CELF2: variants seen among roughly 807,000 people sequenced by gnomAD.
CELF2 encodes the protein CUG triplet repeat RNA-binding protein 2.
In CELF2, 8 loss-of-function variants were observed where a neutral mutation model predicts 62.6. The observed-to-expected ratio is 0.13, with a 90% confidence interval of 0.07 to 0.23. The LOEUF (loss-of-function observed/expected upper bound fraction) is 0.23. Ranked by LOEUF, CELF2 falls within the 10% of genes least tolerant of loss-of-function variation. The probability of loss-of-function intolerance (pLI) is 1.00; values close to 1 mark genes in which losing one functional copy is unlikely to be tolerated. For missense variants in CELF2, 333 were observed against 671.0 expected, an observed-to-expected ratio of 0.50 and a Z score of 5.56; for synonymous variants, 258 against 250.0, an observed-to-expected ratio of 1.03 and a Z score of -0.30.
At chr10:10,818,095 G>T (rs2056638551) in intron 1 of CELF2, among the ~76,000 whole-genome samples, 1 of 152,152 alleles carries the variant, frequency 6.6e-6, no homozygotes, top group Admixed American at 6.5e-5. Flanking sequence ...TGATCACCAA[G>T]GGTATTTCAT....
Position 11,145,249 on chromosome 10 carries a change from G to A in CELF2, c.75-20237G>A, listed in dbSNP as rs1371706329. On this transcript the variant is annotated intron_variant, in intron 1 of 12. Transcript: ENST00000633077. This position sits in a 1 kb window ranked among gnomAD's most constrained non-coding sequence, Gnocchi z 4.3. The stretch of plus-strand genomic sequence containing the variant: ...AAAACACTGCTGCTGCTCAAGGTTT[G>A]TAATTGCTCTATAAGTGAGTCTCAG... Among the ~76,000 whole-genome samples the A allele has an allele frequency of 6.6e-6, 1 of 152,250 alleles. No individual in the cohort carries two copies. The highest frequency in any genetic ancestry group is 1.5e-5 in the Non-Finnish European group (1 of 68,048).
intron 4 of CELF2, 23 bp downstream of exon 4, chr10:11,249,224 G>T (rs2137297145): frequency 6.3e-7 from 1 of 1,587,502 alleles, no homozygotes; most frequent in East Asian, 2.2e-5. Flanking sequence ...CAACTGTCTT[G>T]CTTAATAATA....
the CELF2 span, among the ~76,000 whole-genome samples, chr10:10,496,258 T>A: frequency 0.86 from 131,216 of 152,202 alleles, 57,522 homozygotes; most frequent in Non-Finnish European, 0.94. Flanking sequence ...CATTCGGTAA[T>A]TACTGTTGAA....
Position 11,165,418 on chromosome 10 carries a change from C to G in CELF2, c.75-68C>G. On this transcript the variant is annotated intron_variant, in intron 1 of 12. Coordinates refer to ENST00000633077, the MANE Select transcript of CELF2 (RefSeq NM_001326342.2). The surrounding 1 kb of genome is among the most constrained non-coding windows in gnomAD (Gnocchi z 7.4). ...CTTCCGCCTCCCCGCTCCCCCACCC[C>G]CACTATTTTTTCTTCCTGTCCCTCA... The G allele has an allele frequency of 1.3e-6, 2 of 1,555,370 alleles. No homozygotes were observed. The highest frequency in any genetic ancestry group is 1.7e-6 in the Non-Finnish European group (2 of 1,149,358).
Position 11,267,627 on chromosome 10 carries a change from TTTTTC to T in CELF2, c.618+953_618+957del, listed in dbSNP as rs1416647430. Among the ~76,000 whole-genome samples, 1 of 152,232 alleles carries T rather than the reference TTTTTC, an allele frequency of 6.6e-6. No homozygotes were observed. Among genetic ancestry groups the T allele is most frequent in the African/African-American group, 2.4e-5 (1 of 41,460 alleles). On this transcript the variant is annotated intron_variant, in intron 6 of 12. Coordinates refer to ENST00000633077, the MANE Select transcript of CELF2 (RefSeq NM_001326342.2). This position sits in a 1 kb window ranked among gnomAD's most constrained non-coding sequence, Gnocchi z 4.4. ...AATTTTATTTAATATGCAAAAAACTTTTTTCTTGATTGAGCTTCTGTTTTCCCCCC... is the reference window on the plus strand; with the variant it reads ...AATTTTATTTAATATGCAAAAAACTTTTGATTGAGCTTCTGTTTTCCCCCC...
intron 1 of CELF2, chr10:11,030,804 T>C (rs1202488960): frequency 1.3e-5 from 2 of 152,224 alleles, no homozygotes; most frequent in Non-Finnish European, 2.9e-5. Context: ...TAAATTGCTT[T>C]TTCTTGATTG....
At chr10:11,153,560 G>A (rs2063736614) in intron 1 of CELF2, among the ~76,000 whole-genome samples, 1 of 152,170 alleles carries the variant, frequency 6.6e-6, no homozygotes, top group South Asian at 2.1e-4. Flanking sequence ...TAACTCTCTT[G>A]TGTCACAGGT....
At position 11,176,055 on chromosome 10, in the gene CELF2, G is replaced by A. The variant is rs191119088; in HGVS notation, c.271+10373G>A. Among the ~76,000 whole-genome samples, 288 of 152,320 alleles carry A rather than the reference G, an allele frequency of 1.9e-3. 1 individual carries two copies. Among genetic ancestry groups the A allele is most frequent in the African/African-American group, 6.3e-3 (260 of 41,570 alleles). On this transcript the variant is annotated intron_variant, in intron 2 of 12. Coordinates refer to ENST00000633077, the MANE Select transcript of CELF2 (RefSeq NM_001326342.2). ...TTTAGCAGAGAATGCGCTAGAGAGC[G>A]TGATCATCCTGTGCTATTCATATAA...
intron 7 of CELF2, among the ~76,000 whole-genome samples, chr10:11,273,710 G>GT (rs1162124677): frequency 7.0e-6 from 1 of 142,240 alleles, no homozygotes; most frequent in Non-Finnish European, 1.5e-5. Flanking sequence ...AATTCTGAAA[G>GT]TTTTGTTTTT....
chr10:10,759,218 G>C, the CELF2 span, among the ~76,000 whole-genome samples: 1 of 151,806 alleles, frequency 6.6e-6, no homozygotes, highest in Admixed American at 6.6e-5. Flanking sequence ...GAGATGCCAG[G>C]CCTAACTCAT....
rs1241486779 is a variant in CELF2 at position 11,331,346 on chromosome 10, A to G, written c.*2293A>G. 3.6e-5 allele frequency: 5 copies of G among 139,706 alleles called. No homozygotes were observed. The highest frequency in any genetic ancestry group is 5.2e-5 in the African/African-American group (2 of 38,340). 8.7% of individuals were successfully genotyped at this position (139,706 alleles called of 1,614,324 possible). A position where few individuals can be genotyped will look rare whatever the true frequency, so the allele number is the denominator to read the frequency against. On this transcript the variant is annotated 3_prime_UTR_variant, in exon 13 of 13. Coordinates refer to ENST00000633077, the MANE Select transcript of CELF2 (RefSeq NM_001326342.2). ...GCTTAAAAAAAATTTCATGTGAGGG[A>G]AAAAAAAAAAACCTATTCCAGAATA...
At chr10:11,146,589 A>C (rs80221551) in intron 1 of CELF2, among the ~76,000 whole-genome samples, 1,669 of 152,364 alleles carry the variant, frequency 0.011, 26 homozygotes, top group African/African-American at 0.038. Context: ...GGAGAAGAAT[A>C]ACGTGGGGTC....
the CELF2 span, among the ~76,000 whole-genome samples, chr10:10,678,709 T>A: frequency 6.6e-6 from 1 of 152,200 alleles, no homozygotes; most frequent in Non-Finnish European, 1.5e-5. Flanking sequence ...AAAACTGTTT[T>A]AAGCACACAG....
rs2061411649 is a variant in CELF2 at position 11,039,096 on chromosome 10, C to A, written c.74+20933C>A. On this transcript the variant is annotated intron_variant, in intron 1 of 12. Transcript: ENST00000633077. The surrounding 1 kb of genome is among the most constrained non-coding windows in gnomAD (Gnocchi z 4.1). ...GCTTGCATCCACACCACTCTCATGG[C>A]ATCGACCATGTAACGGCGATAACAG... Among the ~76,000 whole-genome samples the A allele has an allele frequency of 6.6e-6, 1 of 152,178 alleles. No individual in the cohort carries two copies. The highest frequency in any genetic ancestry group is 1.5e-5 in the Non-Finnish European group (1 of 68,040).
intron 1 of CELF2, among the ~76,000 whole-genome samples, chr10:11,059,292 A>T (rs1034802179): frequency 1.3e-5 from 2 of 152,070 alleles, no homozygotes; most frequent in African/African-American, 4.8e-5. Flanking sequence ...CTAGACTTGC[A>T]TGTCTGTTTT....
chr10:10,733,675 A>G, the CELF2 span, among the ~76,000 whole-genome samples: 2 of 152,228 alleles, frequency 1.3e-5, no homozygotes, highest in Non-Finnish European at 2.9e-5. Flanking sequence ...CAGACAAGAA[A>G]GAATGAGAAC....
intron 2 of CELF2, among the ~76,000 whole-genome samples, chr10:10,984,820 G>A (rs2052549593): frequency 6.6e-6 from 1 of 152,112 alleles, no homozygotes; most frequent in African/African-American, 2.4e-5. Flanking sequence ...AGATATGTCT[G>A]TCAAGTGAAG....
the CELF2 span, among the ~76,000 whole-genome samples, chr10:10,541,754 A>G: frequency 6.6e-6 from 1 of 152,108 alleles, no homozygotes; most frequent in Non-Finnish European, 1.5e-5. Flanking sequence ...GTGGGTTTTG[A>G]CCGGTTTCTT....
intron 1 of CELF2, among the ~76,000 whole-genome samples, chr10:11,025,527 C>T (rs79860388): frequency 0.059 from 8,931 of 152,174 alleles, 313 homozygotes; most frequent in Middle Eastern, 0.14. Flanking sequence ...CCTTCCCTTT[C>T]TGCCGTGATT....
Sources: gnomAD v4.1 joint callset for allele counts (sites outside exome capture counted in the v4.1 genomes callset) on GRCh38, gnomAD v4.1.1 for gene constraint, Gnocchi (gnomAD v3.1) non-coding constraint, MANE v1.5 for transcripts, NCBI Gene and HGNC (gene_info 2026-07-23, HGNC 2026-07-21) for gene names.